The following PIBF1 variants were observed in gnomAD, a reference collection of about 807,000 sequenced individuals.
PIBF1 encodes progesterone-induced-blocking factor 1.
PIBF1 carries 90 observed loss-of-function variants against 112.5 expected under a neutral mutation model. The observed-to-expected ratio is 0.80, with a 90% CI of 0.67 to 0.95. The LOEUF (loss-of-function observed/expected upper bound fraction) is 0.95, where lower values mean the gene tolerates loss of function less well. PIBF1 is among the 40% of genes least tolerant of loss of function. PIBF1 has a pLI of 0.00. For missense variants in PIBF1, 915 were observed against 852.3 expected (o/e 1.07, Z -0.92); for synonymous variants, 301 against 288.6 (o/e 1.04, Z -0.44).
At chr13:72,813,594 C>T (rs564914532) in intron 5 of PIBF1, among the ~76,000 whole-genome samples, 49 of 152,268 alleles carry the variant, frequency 3.2e-4, no homozygotes, top group African/African-American at 1.1e-3. Flanking sequence ...TGCACTTGGC[C>T]TCTTCATGTG....
intron 10 of PIBF1, among the ~76,000 whole-genome samples, chr13:72,874,860 A>T (rs1463642010): frequency 1.3e-5 from 2 of 152,136 alleles, no homozygotes; most frequent in Non-Finnish European, 2.9e-5. Flanking sequence ...TGTATAGCCT[A>T]CCCCATTATG....
chr13:72,955,651 AG>A (rs1332922973), intron 14 of PIBF1, among the ~76,000 whole-genome samples: 2 of 152,168 alleles, frequency 1.3e-5, no homozygotes, highest in African/African-American at 4.8e-5. Flanking sequence ...AATGTTATAC[AG>A]TTGAACCACA....
chr13:72,823,815 T>C (rs2036675714), intron 6 of PIBF1, among the ~76,000 whole-genome samples: 1 of 152,162 alleles, frequency 6.6e-6, no homozygotes, highest in African/African-American at 2.4e-5. Flanking sequence ...TGGTTTTCGT[T>C]TGTTGGTTTT....
chr13:72,833,212 C>G (rs1247699082), intron 8 of PIBF1, among the ~76,000 whole-genome samples: 1 of 152,162 alleles, frequency 6.6e-6, no homozygotes, highest in Admixed American at 6.5e-5. Context: ...TGGGTTAGAA[C>G]ATGCTCCTTT....
At chr13:72,857,362 T>C (rs2038469628) in intron 10 of PIBF1, among the ~76,000 whole-genome samples, 1 of 152,212 alleles carries the variant, frequency 6.6e-6, no homozygotes. Context: ...ATAGAAGTAA[T>C]AAATTGATAA....
chr13:73,009,443 C>G (rs546041987), intron 17 of PIBF1, among the ~76,000 whole-genome samples: 241 of 152,198 alleles, frequency 1.6e-3, no homozygotes, highest in Non-Finnish European at 2.8e-3. Context: ...GGGTTTGATT[C>G]ATTTTTATAT....
chr13:72,817,973 C>G (rs900719342), intron 5 of PIBF1, among the ~76,000 whole-genome samples: 26 of 152,030 alleles, frequency 1.7e-4, no homozygotes, highest in Non-Finnish European at 3.1e-4. Context: ...AAATAAAGTG[C>G]TGGTCGAATA....
intron 12 of PIBF1, among the ~76,000 whole-genome samples, chr13:72,913,078 A>T (rs892254587): frequency 1.3e-5 from 2 of 151,840 alleles, no homozygotes; most frequent in Admixed American, 6.6e-5. Flanking sequence ...TTTATTTTTA[A>T]AAAGACAAAA....
At position 72,877,568 on chromosome 13, in the gene PIBF1, G is replaced by C. The variant is rs573517270; in HGVS notation, c.1323-16216G>C. On this transcript the variant is annotated intron_variant, in intron 10 of 17. Transcript: ENST00000326291. The stretch of plus-strand genomic sequence containing the variant: ...ATTAAATATTTTAAAACACATGTAG[G>C]CCTCTTCAGATTCTCTGTTTCTTCT... 1.6e-3 allele frequency among the ~76,000 whole-genome samples: 246 copies of C among 152,084 alleles called. 1 individual carries two copies. The highest frequency in any genetic ancestry group is 5.6e-3 in the African/African-American group (233 of 41,492).
chr13:72,933,307 CAGG>C (rs2041767265), intron 14 of PIBF1, among the ~76,000 whole-genome samples: 1 of 152,188 alleles, frequency 6.6e-6, no homozygotes, highest in African/African-American at 2.4e-5. Flanking sequence ...GAGGCCAAGG[CAGG>C]AGAGTCACAT....
Position 72,806,652 on chromosome 13 carries a change from G to A in PIBF1, c.672+8626G>A, listed in dbSNP as rs150369634. ...GTTTTCTGTCCTTGTGATGGTTTGC[G>A]GAGAATGATGGTTTCCAGTTTCATC... On this transcript the variant is annotated intron_variant, in intron 5 of 17. Transcript: ENST00000326291. Among the ~76,000 whole-genome samples, 588 of 152,136 alleles carry A rather than the reference G, an allele frequency of 3.9e-3. 2 individuals are homozygous for A. The highest frequency in any genetic ancestry group is 6.1e-3 in the Non-Finnish European group (415 of 67,968).
intron 2 of PIBF1, among the ~76,000 whole-genome samples, chr13:72,788,483 C>G (rs907359285): frequency 3.3e-5 from 5 of 152,208 alleles, no homozygotes; most frequent in Non-Finnish European, 5.9e-5. Flanking sequence ...ATTAGGAACC[C>G]AGGCTCCTTT....
chr13:72,827,845 G>T lies in PIBF1; in HGVS notation c.1028G>T (p.Arg343Ile). ...GCTCATGAAGAGGATCGCCTTGAAA[G>T]ACTTCAAGCTCAACTGGAAGAAAGC... Reference protein sequence around the residue: ...RCAHEEDRLERLQAQLEESKK... With the variant: ...RCAHEEDRLEILQAQLEESKK... Residue 343 changes from arginine (R) to isoleucine (I), a missense_variant, in exon 8 of 18, where the codon AGA becomes ATA. Coordinates refer to ENST00000326291, the MANE Select transcript of PIBF1 (RefSeq NM_006346.4). 1 of 1,597,834 alleles carries T rather than the reference G, an allele frequency of 6.3e-7. No homozygotes were observed. The highest frequency in any genetic ancestry group is 1.1e-5 in the South Asian group (1 of 87,238).
chr13:72,987,858 A>ATTTATTTATT (rs1345167411), intron 16 of PIBF1, among the ~76,000 whole-genome samples: 5 of 58,118 alleles, frequency 8.6e-5, no homozygotes, highest in African/African-American at 3.7e-4. Flanking sequence ...TTATTTATTT[A>ATTTATTTATT]TTTTTTTTTT....
intron 5 of PIBF1, among the ~76,000 whole-genome samples, chr13:72,815,911 T>C (rs533188153): frequency 6.6e-6 from 1 of 152,370 alleles, no homozygotes; most frequent in East Asian, 1.9e-4. Context: ...GGGGTTAATA[T>C]GTGATACTTT....
chr13:72,829,462 A>T (rs1232693251), intron 8 of PIBF1, among the ~76,000 whole-genome samples: 1 of 152,108 alleles, frequency 6.6e-6, no homozygotes, highest in Non-Finnish European at 1.5e-5. Context: ...TGTATAAGGT[A>T]TAAGGAAGGG....
At chr13:72,805,819 C>T (rs1291657111) in intron 5 of PIBF1, among the ~76,000 whole-genome samples, 1 of 152,200 alleles carries the variant, frequency 6.6e-6, no homozygotes, top group Non-Finnish European at 1.5e-5. Flanking sequence ...ACACTTAAAA[C>T]TGATAAAGCA....
intron 16 of PIBF1, among the ~76,000 whole-genome samples, chr13:72,985,512 C>G (rs1426276842): frequency 1.3e-5 from 2 of 151,934 alleles, no homozygotes. Flanking sequence ...CTACTGCACT[C>G]CAGCGTGGGC....
intron 14 of PIBF1, among the ~76,000 whole-genome samples, chr13:72,944,740 C>T (rs1479459717): frequency 6.6e-6 from 1 of 151,848 alleles, no homozygotes; most frequent in Non-Finnish European, 1.5e-5. Flanking sequence ...TTCAGGGGTA[C>T]ATGGGCAGGT....
Sources: allele counts gnomAD v4.1 joint callset (sites outside exome capture counted in the v4.1 genomes callset), GRCh38; gene constraint gnomAD v4.1.1; transcripts MANE v1.5; gene names NCBI Gene and HGNC (gene_info 2026-07-23, HGNC 2026-07-21).